ATG10: variants seen among roughly 807,000 people sequenced by gnomAD.
The protein encoded by ATG10 is ubiquitin-like-conjugating enzyme ATG10.
ATG10 carries 30 observed loss-of-function variants against 32.1 expected under a neutral mutation model. The ratio of observed to expected loss-of-function variants is 0.94; its 90% CI spans 0.70 to 1.27. The LOEUF is 1.27. ATG10 is among the 50% of genes most tolerant of loss of function. The pLI is 0.00. For synonymous variants in ATG10, 87 were observed against 91.5 expected (o/e 0.95, Z 0.28); for missense variants, 233 against 262.3 (o/e 0.89, Z 0.77).
chr5:82,163,213 T>C (rs1743435413), intron 3 of ATG10, among the ~76,000 whole-genome samples: 2 of 152,238 alleles, frequency 1.3e-5, no homozygotes, highest in South Asian at 4.1e-4. Context: ...ACTGTATTAA[T>C]TTTCTGTATC....
chr5:82,035,763 TA>T (rs972787827), intron 2 of ATG10, among the ~76,000 whole-genome samples: 153 of 148,044 alleles, frequency 1.0e-3, no homozygotes, highest in Non-Finnish European at 2.0e-3. Flanking sequence ...TATAATAATA[TA>T]AAAATATATA....
intron 3 of ATG10, among the ~76,000 whole-genome samples, chr5:82,136,236 A>T (rs1205616128): frequency 6.6e-6 from 1 of 152,108 alleles, no homozygotes; most frequent in Non-Finnish European, 1.5e-5. Context: ...TTTATGGTTA[A>T]TATTGTTATA....
intron 2 of ATG10, among the ~76,000 whole-genome samples, chr5:82,055,993 A>AT (rs1763583083): frequency 6.6e-6 from 1 of 152,178 alleles, no homozygotes; most frequent in Non-Finnish European, 1.5e-5. Context: ...AGGCCATACC[A>AT]TTTGGGTTTG....
intron 3 of ATG10, among the ~76,000 whole-genome samples, chr5:82,099,331 A>C (rs1269526922): frequency 6.6e-6 from 1 of 152,034 alleles, no homozygotes; most frequent in African/African-American, 2.4e-5. Context: ...TTATTGAATA[A>C]TTTTAGTTAT....
intron 2 of ATG10, among the ~76,000 whole-genome samples, chr5:82,003,520 A>G (rs192259971): frequency 4.6e-5 from 7 of 152,346 alleles, no homozygotes; most frequent in Admixed American, 2.0e-4. Flanking sequence ...GGACCTAAGA[A>G]TTAACATTAA....
At chr5:82,099,907 A>T (rs1765201123) in intron 3 of ATG10, among the ~76,000 whole-genome samples, 1 of 150,692 alleles carries the variant, frequency 6.6e-6, no homozygotes, top group Admixed American at 6.6e-5. Flanking sequence ...ATCAATCACT[A>T]GTCAAGTTCC....
intron 3 of ATG10, among the ~76,000 whole-genome samples, chr5:82,132,988 C>T (rs908280274): frequency 5.3e-5 from 8 of 152,092 alleles, no homozygotes; most frequent in Non-Finnish European, 1.2e-4. Flanking sequence ...ATCTAATTAC[C>T]AGTGATGATG....
intron 5 of ATG10, among the ~76,000 whole-genome samples, chr5:82,217,244 G>T (rs980669293): frequency 5.9e-5 from 9 of 152,100 alleles, no homozygotes; most frequent in African/African-American, 1.2e-4. Context: ...TTGGCCTTGG[G>T]TAAGTTACCT....
rs71817138 is a variant in ATG10 at position 81,975,229 on chromosome 5, CTG to C, written c.-13+2925_-13+2926del. ...TAAACAGTGGTTGTACAATTTATCACTGTTTTTTGTTATCCATTATTCTCTGA... is the reference window on the plus strand; with the variant it reads ...TAAACAGTGGTTGTACAATTTATCACTTTTTTGTTATCCATTATTCTCTGA... On this transcript the variant is annotated intron_variant, in intron 1 of 7. Coordinates refer to ENST00000282185, the MANE Select transcript of ATG10 (RefSeq NM_031482.5). Among the ~76,000 whole-genome samples the C allele has an allele frequency of 8.5e-3, 1,299 of 152,290 alleles. 10 individuals are homozygous for C. The highest frequency in any genetic ancestry group is 0.03 in the African/African-American group (1,230 of 41,550).
At chr5:82,060,917 C>T (rs947047168) in intron 3 of ATG10, among the ~76,000 whole-genome samples, 3 of 151,868 alleles carry the variant, frequency 2.0e-5, no homozygotes, top group Non-Finnish European at 2.9e-5. Flanking sequence ...CAATAGAATC[C>T]GAGTATGGTT....
At chr5:82,242,683 C>A (rs1345629523) in intron 5 of ATG10, 5 of 330,040 alleles carry the variant, frequency 1.5e-5, no homozygotes, top group East Asian at 8.2e-5. Flanking sequence ...ATAATATAAT[C>A]CAAGTGCTAA....
intron 3 of ATG10, among the ~76,000 whole-genome samples, chr5:82,083,135 T>C (rs183187084): frequency 1.3e-5 from 2 of 152,310 alleles, no homozygotes; most frequent in African/African-American, 2.4e-5. Context: ...CCAACCCTAA[T>C]ACTGTGCTTT....
At chr5:82,190,538 C>T (rs375679139) in intron 5 of ATG10, among the ~76,000 whole-genome samples, 2 of 151,638 alleles carry the variant, frequency 1.3e-5, no homozygotes, top group African/African-American at 2.4e-5. Context: ...TTTGGGAGGC[C>T]GAGGTGGGCG....
At chr5:82,147,979 G>A (rs1169216640) in intron 3 of ATG10, 1 of 152,178 alleles carries the variant, frequency 6.6e-6, no homozygotes, top group African/African-American at 2.4e-5. Context: ...TTTCTTCCTA[G>A]AATTTATATC....
chr5:82,096,741 T>G (rs1362958008), intron 3 of ATG10, among the ~76,000 whole-genome samples: 1 of 152,118 alleles, frequency 6.6e-6, no homozygotes, highest in Non-Finnish European at 1.5e-5. Flanking sequence ...AAGCGAAAGT[T>G]TCTATGAACC....
chr5:82,226,608 C>G (rs1309616110), intron 5 of ATG10, among the ~76,000 whole-genome samples: 1 of 152,096 alleles, frequency 6.6e-6, no homozygotes, highest in Non-Finnish European at 1.5e-5. Context: ...TTGTATCATC[C>G]TAATAAAAGT....
chr5:82,018,513 C>G (rs1762348134), intron 2 of ATG10, among the ~76,000 whole-genome samples: 1 of 152,198 alleles, frequency 6.6e-6, no homozygotes, highest in African/African-American at 2.4e-5. Flanking sequence ...ATTTACAATA[C>G]ACCATAAACT....
intron 3 of ATG10, among the ~76,000 whole-genome samples, chr5:82,118,269 C>T (rs1215258374): frequency 6.7e-6 from 1 of 148,548 alleles, no homozygotes; most frequent in Non-Finnish European, 1.5e-5. Context: ...CTTCACTAAG[C>T]TGAACCCCAC....
intron 2 of ATG10, among the ~76,000 whole-genome samples, chr5:82,007,292 A>T (rs1221163097): frequency 6.6e-6 from 1 of 152,182 alleles, no homozygotes; most frequent in Non-Finnish European, 1.5e-5. Context: ...CTATTAGGAG[A>T]TTACATTTTT....
Sources: gnomAD v4.1 joint callset for allele counts (sites outside exome capture counted in the v4.1 genomes callset) on GRCh38, gnomAD v4.1.1 for gene constraint, MANE v1.5 for transcripts, NCBI Gene and HGNC (gene_info 2026-07-23, HGNC 2026-07-21) for gene names.